Variants in CCDC148 observed in about 807,000 individuals in gnomAD.
The protein encoded by CCDC148 is coiled-coil domain-containing protein 148.
In CCDC148, 89 loss-of-function variants were observed where a neutral mutation model predicts 85.7. That is an observed-to-expected ratio of 1.04 (90% CI 0.87 to 1.24). The LOEUF is 1.24. CCDC148 is among the 50% of genes most tolerant of loss of function. The pLI is 0.00. For synonymous variants in CCDC148, 230 were observed against 213.9 expected (o/e 1.08, Z -0.66); for missense variants, 692 against 671.7 (o/e 1.03, Z -0.33).
At chr2:158,252,234 AAAAAT>A (rs1219022405) in intron 9 of CCDC148, among the ~76,000 whole-genome samples, 1 of 151,806 alleles carries the variant, frequency 6.6e-6, no homozygotes, top group Non-Finnish European at 1.5e-5. Context: ...TCATTTTTGC[AAAAAT>A]TTCATTTTCT....
chr2:158,180,331 A>AT (rs1389285623), intron 11 of CCDC148, among the ~76,000 whole-genome samples: 2 of 152,158 alleles, frequency 1.3e-5, no homozygotes, highest in Non-Finnish European at 2.9e-5. Flanking sequence ...CTGGGTTGCC[A>AT]TTTTTTAATT....
At chr2:158,206,207 C>T (rs1445307066) in intron 11 of CCDC148, among the ~76,000 whole-genome samples, 3 of 152,130 alleles carry the variant, frequency 2.0e-5, no homozygotes, top group East Asian at 1.9e-4. Flanking sequence ...TGAGACTCAT[C>T]GCTATTCCAA....
intron 9 of CCDC148, among the ~76,000 whole-genome samples, chr2:158,308,841 G>A (rs1292821577): frequency 6.6e-6 from 1 of 152,040 alleles, no homozygotes. Context: ...TTCCCTCTGA[G>A]CATTGCTCCA....
intron 1 of CCDC148, among the ~76,000 whole-genome samples, chr2:158,427,834 G>A (rs1687146671): frequency 6.6e-6 from 1 of 152,228 alleles, no homozygotes; most frequent in African/African-American, 2.4e-5. Flanking sequence ...TCACACCACT[G>A]CACTCTAGCC....
intron 1 of CCDC148, among the ~76,000 whole-genome samples, chr2:158,431,143 G>A (rs2105332406): frequency 6.6e-6 from 1 of 150,514 alleles, no homozygotes; most frequent in South Asian, 2.1e-4. Context: ...GAAAGGAGAG[G>A]GAATGAGGAA....
rs965274744 is a variant in CCDC148 at position 158,406,859 on chromosome 2, G to A, written c.26-48289C>T. On this transcript the variant is annotated intron_variant, in intron 1 of 13. Transcript: ENST00000283233. ...TCTGGTCTTCAACTCCTGAACTCCA[G>A]TGAGTCTCCCACCTCTGCCTCTCAA... Among the ~76,000 whole-genome samples the A allele has an allele frequency of 2.0e-5, 3 of 152,080 alleles. No homozygotes were observed. In the South Asian group the frequency reaches 6.2e-4, roughly 32 times the overall value.
At chr2:158,290,678 G>C (rs1342373333) in intron 9 of CCDC148, among the ~76,000 whole-genome samples, 3 of 151,894 alleles carry the variant, frequency 2.0e-5, no homozygotes, top group Non-Finnish European at 4.4e-5. Context: ...CTCTCTTGTA[G>C]TATTTATTAT....
chr2:158,249,951 G>A (rs1351754546), intron 10 of CCDC148, among the ~76,000 whole-genome samples: 1 of 152,092 alleles, frequency 6.6e-6, no homozygotes, highest in East Asian at 1.9e-4. Flanking sequence ...AGGTGTATAG[G>A]TTAAAGACAT....
At chr2:158,372,074 T>A (rs1684466137) in intron 1 of CCDC148, among the ~76,000 whole-genome samples, 1 of 151,992 alleles carries the variant, frequency 6.6e-6, no homozygotes, top group Non-Finnish European at 1.5e-5. Flanking sequence ...AAGGGCCCAG[T>A]TTCCATGGGA....
chr2:158,295,946 CTTA>C (rs1691167678), intron 9 of CCDC148, among the ~76,000 whole-genome samples: 1 of 152,194 alleles, frequency 6.6e-6, no homozygotes, highest in African/African-American at 2.4e-5. Context: ...TCCCTGTTTT[CTTA>C]TTAAGTTTCA....
intron 10 of CCDC148, among the ~76,000 whole-genome samples, chr2:158,239,487 C>A (rs1688257674): frequency 6.6e-6 from 1 of 152,062 alleles, no homozygotes; most frequent in Non-Finnish European, 1.5e-5. Context: ...TGGGTTACCA[C>A]CACAACTTTT....
chr2:158,347,216 T>G (rs1049183271), intron 2 of CCDC148, among the ~76,000 whole-genome samples: 1 of 152,134 alleles, frequency 6.6e-6, no homozygotes, highest in Non-Finnish European at 1.5e-5. Flanking sequence ...GCATATTTGG[T>G]ACATATTGTA....
chr2:158,172,073 A>C lies in CCDC148; in HGVS notation c.*40T>G, dbSNP rs892408841. On this transcript the variant is annotated 3_prime_UTR_variant, in exon 14 of 14. Transcript: ENST00000283233. Reference sequence around the variant, plus strand: ...ATTATTATCCATATACATGTTTTCAAAGAAAAATGCTCTTTACATATAGAA... The same window carrying C: ...ATTATTATCCATATACATGTTTTCACAGAAAAATGCTCTTTACATATAGAA... 2 of 1,438,826 alleles carry C rather than the reference A, an allele frequency of 1.4e-6. No individual in the cohort carries two copies. Among genetic ancestry groups the C allele is most frequent in the Non-Finnish European group, 1.9e-6 (2 of 1,058,600 alleles). The allele number at this position is 1,438,826 out of a possible 1,614,324, so 89.1% of individuals were successfully genotyped here.
intron 1 of CCDC148, among the ~76,000 whole-genome samples, chr2:158,421,790 G>A (rs375124737): frequency 2.0e-5 from 3 of 152,198 alleles, no homozygotes; most frequent in South Asian, 2.1e-4. Context: ...AAAAATCAAC[G>A]AATCCGGGAG....
At chr2:158,317,303 C>T (rs1202877648) in intron 7 of CCDC148, among the ~76,000 whole-genome samples, 2 of 152,172 alleles carry the variant, frequency 1.3e-5, no homozygotes, top group Non-Finnish European at 2.9e-5. Flanking sequence ...TTAGAATGTT[C>T]ATCTTTATCG....
chr2:158,230,765 C>T (rs1303624887), intron 10 of CCDC148, among the ~76,000 whole-genome samples: 1 of 152,074 alleles, frequency 6.6e-6, no homozygotes, highest in Non-Finnish European at 1.5e-5. Flanking sequence ...AGCGCTCGTC[C>T]CTGGACTCAG....
intron 7 of CCDC148, among the ~76,000 whole-genome samples, chr2:158,323,344 A>G (rs1469433725): frequency 6.6e-6 from 1 of 152,236 alleles, no homozygotes; most frequent in African/African-American, 2.4e-5. Flanking sequence ...TCATTAATTG[A>G]AAAATATTGA....
At chr2:158,287,717 A>T (rs1690695508) in intron 9 of CCDC148, among the ~76,000 whole-genome samples, 1 of 152,140 alleles carries the variant, frequency 6.6e-6, no homozygotes, top group African/African-American at 2.4e-5. Flanking sequence ...GCTGGCATTG[A>T]ATGTCTGCGG....
At chr2:158,214,748 C>T (rs4664932) in intron 11 of CCDC148, among the ~76,000 whole-genome samples, 24,033 of 151,938 alleles carry the variant, frequency 0.16, 2,409 homozygotes, top group Non-Finnish European at 0.22. Context: ...TAATTGGCTT[C>T]TTGGTCACCA....
Sources: gnomAD v4.1 joint callset for allele counts (sites outside exome capture counted in the v4.1 genomes callset) on GRCh38, gnomAD v4.1.1 for gene constraint, MANE v1.5 for transcripts, NCBI Gene and HGNC (gene_info 2026-07-23, HGNC 2026-07-21) for gene names.